VMP1: variants seen among roughly 807,000 people sequenced by gnomAD.
The protein encoded by VMP1 is ectopic P-granules autophagy protein 3 homolog.
In VMP1, 11 loss-of-function variants were observed where a neutral mutation model predicts 56.0. The ratio of observed to expected loss-of-function variants is 0.20; its 90% confidence interval spans 0.12 to 0.32. The LOEUF (loss-of-function observed/expected upper bound fraction) is 0.32, where lower values mean the gene tolerates loss of function less well. Ranked by LOEUF, VMP1 falls within the 10% of genes least tolerant of loss-of-function variation. The pLI, the probability that VMP1 is intolerant of heterozygous loss-of-function variation, is 1.00. For missense variants in VMP1, 296 were observed against 490.3 expected, an observed-to-expected ratio of 0.60 and a Z score of 3.74; for synonymous variants, 149 against 165.0, an observed-to-expected ratio of 0.90 and a Z score of 0.74.
At chr17:59,768,568 A>C (rs191954606) in intron 6 of VMP1, among the ~76,000 whole-genome samples, 138 of 151,934 alleles carry the variant, frequency 9.1e-4, no homozygotes, top group African/African-American at 2.9e-3. Context: ...ACACCATTGC[A>C]CTCCAGCCTG....
intron 5 of VMP1, among the ~76,000 whole-genome samples, chr17:59,749,758 C>A (rs138980235): frequency 6.6e-6 from 1 of 152,080 alleles, no homozygotes; most frequent in Admixed American, 6.6e-5. Context: ...GATCAGCCCC[C>A]CTCAGCCTCC....
At chr17:59,803,941 T>C (rs1055294249) in intron 7 of VMP1, among the ~76,000 whole-genome samples, 11 of 124,736 alleles carry the variant, frequency 8.8e-5, no homozygotes, top group African/African-American at 2.5e-4. Flanking sequence ...TTTAATTTTA[T>C]AAAAGGGATT....
intron 7 of VMP1, among the ~76,000 whole-genome samples, chr17:59,797,158 C>G (rs1055247402): frequency 5.1e-4 from 30 of 58,876 alleles, no homozygotes; most frequent in Non-Finnish European, 6.5e-4. Context: ...ATGGTGAAAC[C>G]CCCCCCCCGT....
intron 1 of VMP1, among the ~76,000 whole-genome samples, chr17:59,719,625 A>G (rs528105475): frequency 6.6e-6 from 1 of 152,126 alleles, no homozygotes; most frequent in African/African-American, 2.4e-5. Context: ...TATGTTACTC[A>G]GGGAGATGCT....
chr17:59,751,597 C>T (rs2035643808), intron 5 of VMP1, among the ~76,000 whole-genome samples: 1 of 134,988 alleles, frequency 7.4e-6, no homozygotes, highest in South Asian at 2.9e-4. Context: ...CAAAAATTAG[C>T]TGGGCGTGGT....
chr17:59,764,695 G>A (rs948076387), intron 5 of VMP1, among the ~76,000 whole-genome samples: 16 of 152,180 alleles, frequency 1.1e-4, no homozygotes, highest in Admixed American at 2.0e-4. Flanking sequence ...GAATATGTTC[G>A]TCAAAGCTAA....
At chr17:59,797,612 C>CA (rs1288642723) in intron 7 of VMP1, among the ~76,000 whole-genome samples, 2 of 152,184 alleles carry the variant, frequency 1.3e-5, no homozygotes, top group African/African-American at 2.4e-5. Context: ...CACAGTGGCT[C>CA]ACGCCTGTAA....
intron 7 of VMP1, among the ~76,000 whole-genome samples, chr17:59,777,027 T>C (rs2036640274): frequency 6.6e-6 from 1 of 152,190 alleles, no homozygotes; most frequent in Non-Finnish European, 1.5e-5. Flanking sequence ...AAACATCTCA[T>C]GATACCACTT....
At chr17:59,749,115 A>AT (rs34622252) in intron 5 of VMP1, among the ~76,000 whole-genome samples, 6,067 of 131,246 alleles carry the variant, frequency 0.046, 195 homozygotes, top group South Asian at 0.074. Context: ...ACGCCTGGCT[A>AT]TTTTTTTTTT....
chr17:59,789,829 CTTT>C (rs1252565224), intron 7 of VMP1, among the ~76,000 whole-genome samples: 14 of 119,808 alleles, frequency 1.2e-4, no homozygotes, highest in South Asian at 6.0e-4. Flanking sequence ...TCCTTTCTTT[CTTT>C]CCCTTTTTTT....
At chr17:59,811,603 C>A in intron 8 of VMP1, 67 bp from the exon 9 acceptor site, 1 of 1,189,100 alleles carries the variant, frequency 8.4e-7, no homozygotes, top group Non-Finnish European at 1.2e-6. Context: ...TACCACATAT[C>A]AATGGGTGAT....
intron 5 of VMP1, among the ~76,000 whole-genome samples, chr17:59,745,414 A>T (rs1040883332): frequency 4.9e-4 from 75 of 152,364 alleles, no homozygotes; most frequent in African/African-American, 1.6e-3. Flanking sequence ...AACTTTGGCA[A>T]TTATAGAAAA....
intron 7 of VMP1, among the ~76,000 whole-genome samples, chr17:59,783,763 G>A (rs957342110): frequency 5.9e-5 from 9 of 151,806 alleles, no homozygotes; most frequent in African/African-American, 1.5e-4. Flanking sequence ...CTCCCTTCCC[G>A]CTACTGTTTC....
intron 7 of VMP1, among the ~76,000 whole-genome samples, chr17:59,783,741 A>G (rs1008692150): frequency 3.7e-4 from 56 of 152,256 alleles, no homozygotes; most frequent in African/African-American, 1.3e-3. Flanking sequence ...AGTATCTTAC[A>G]TGCCCTCTCT....
intron 5 of VMP1, among the ~76,000 whole-genome samples, chr17:59,759,083 G>C (rs1374310128): frequency 2.0e-5 from 3 of 152,120 alleles, no homozygotes; most frequent in African/African-American, 7.2e-5. Flanking sequence ...GAGAGACCCT[G>C]TCTCAACAAC....
Position 59,731,856 on chromosome 17 carries a change from T to C in VMP1, c.76+334T>C, listed in dbSNP as rs543291314. On this transcript the variant is annotated intron_variant, in intron 2 of 11. Transcript: ENST00000262291. ...AGATTATAAACTTACTACACTGTTC[T>C]TAAATATACAGTTATCAAAAAAGTT... Among the ~76,000 whole-genome samples the C allele has an allele frequency of 6.7e-4, 102 of 152,196 alleles. 2 individuals are homozygous for C. Among genetic ancestry groups the C allele is most frequent in the Non-Finnish European group, 1.2e-3 (82 of 68,026 alleles).
intron 1 of VMP1, among the ~76,000 whole-genome samples, chr17:59,724,892 G>C (rs1298797155): frequency 2.6e-5 from 4 of 152,096 alleles, no homozygotes; most frequent in East Asian, 3.9e-4. Context: ...CATGAACCCG[G>C]GAGGTGGAGC....
At position 59,821,539 on chromosome 17, in the gene VMP1, C is replaced by CTTTTTTTTTTTTTTT. The variant is rs530907168; in HGVS notation, c.974+3775_974+3789dup. 2.9e-5 allele frequency among the ~76,000 whole-genome samples: 3 copies of CTTTTTTTTTTTTTTT among 104,722 alleles called. 1 individual carries two copies. Among genetic ancestry groups the CTTTTTTTTTTTTTTT allele is most frequent in the African/African-American group, 1.1e-4 (3 of 26,252 alleles). The allele number at this position is 104,722 out of a possible 152,430, so 68.7% of individuals were successfully genotyped here. On this transcript the variant is annotated intron_variant, in intron 10 of 11. Coordinates refer to ENST00000262291, the MANE Select transcript of VMP1 (RefSeq NM_030938.5). ...TACAGGGATTACCTCAGCTACTTTT[C>CTTTTTTTTTTTTTTT]TTTTTTTTTTTTTTTTTTTTTTTGA...
In VMP1 at chr17:59,713,683, CTTTTTTTTTT is replaced by C. The variant is rs3064256; in HGVS notation, c.-27+5945_-27+5954del. On this transcript the variant is annotated intron_variant, in intron 1 of 11. Coordinates refer to ENST00000262291, the MANE Select transcript of VMP1 (RefSeq NM_030938.5). ...GACAACATGGCAAAACCCCATCTCTCTTTTTTTTTTTTTTTTTTTGTTAAAAAAAAGAGAG... is the reference window on the plus strand; with the variant it reads ...GACAACATGGCAAAACCCCATCTCTCTTTTTTTTTGTTAAAAAAAAGAGAG... Among the ~76,000 whole-genome samples, 284 of 108,730 alleles carry C rather than the reference CTTTTTTTTTT, an allele frequency of 2.6e-3. 1 individual carries two copies. Among genetic ancestry groups the C allele is most frequent in the African/African-American group, 9.6e-3 (273 of 28,336 alleles). 71.3% of individuals were successfully genotyped at this position (108,730 alleles called of 152,430 possible).
Sources: allele counts gnomAD v4.1 joint callset (sites outside exome capture counted in the v4.1 genomes callset), GRCh38; gene constraint gnomAD v4.1.1; transcripts MANE v1.5; gene names NCBI Gene and HGNC (gene_info 2026-07-23, HGNC 2026-07-21).